The following PLRG1 variants were observed in gnomAD, a reference collection of about 807,000 sequenced individuals.
The protein encoded by PLRG1 is pleiotropic regulator 1, also known as pleiotropic regulator 1 (PRL1 homolog, Arabidopsis).
In PLRG1, 28 loss-of-function variants were observed where a neutral mutation model predicts 74.9. That is an observed-to-expected ratio of 0.37 (90% CI 0.28 to 0.51). The LOEUF (loss-of-function observed/expected upper bound fraction) is 0.51, where lower values mean the gene tolerates loss of function less well. PLRG1 is among the 20% of genes least tolerant of loss of function. The pLI is 0.91. For synonymous variants in PLRG1, 197 were observed against 212.4 expected, an observed-to-expected ratio of 0.93 and a Z score of 0.63; for missense variants, 445 against 631.9, an observed-to-expected ratio of 0.70 and a Z score of 3.17.
chr4:154,537,378 T>C lies in PLRG1; in HGVS notation c.1393A>G (p.Ile465Val). Residue 465 changes from isoleucine to valine, a missense_variant, in exon 14 of 15, where the codon ATA (isoleucine) becomes GTA (valine). By Grantham distance (29) the Ile-to-Val change is conservative. This residue lies in a region of PLRG1 where 221 missense variants were observed against 377.7 expected (regional missense o/e 0.59). Coordinates refer to ENST00000499023, the MANE Select transcript of PLRG1 (RefSeq NM_002669.4). ...GACTGATCAAAAGCACAAGCAAATA[T>C]TCCTGATTCACTGTCCAAAGACCCA... is the stretch of plus-strand genomic sequence containing the variant. ...QPGSLDSESG[I>V]FACAFDQSES... 1.2e-6 allele frequency: 2 copies of C among 1,613,364 alleles called. No individual in the cohort carries two copies. The highest frequency in any genetic ancestry group is 1.7e-6 in the Non-Finnish European group (2 of 1,179,462).
intron 5 of PLRG1, 46 bp downstream of exon 5, chr4:154,546,077 C>A (rs1729647400): frequency 8.1e-7 from 1 of 1,229,880 alleles, no homozygotes; most frequent in Middle Eastern, 1.9e-4. Context: ...AAAATGTGAA[C>A]AGTGAAATAT....
chr4:154,544,618 G>T, intron 6 of PLRG1, 72 bp from the exon 7 acceptor site: 1 of 785,506 alleles, frequency 1.3e-6, no homozygotes, highest in Non-Finnish European at 2.1e-6. Flanking sequence ...ATTCAGAAAT[G>T]GAAATGGAAA....
In PLRG1 at chr4:154,541,900, A is replaced by G. The variant is rs145361101; in HGVS notation, c.687+287T>C. ...ATTCTCTATATTTTCCACATTTTCTATGAATGAGCATGCTCTTAATTTTGT... is the reference window on the plus strand; with the variant it reads ...ATTCTCTATATTTTCCACATTTTCTGTGAATGAGCATGCTCTTAATTTTGT... On this transcript the variant is annotated intron_variant, in intron 8 of 14. Transcript: ENST00000499023. The G allele has an allele frequency of 1.8e-3, 624 of 342,218 alleles. 3 individuals are homozygous for G. The highest frequency in any genetic ancestry group is 0.012 in the African/African-American group (570 of 49,102). 21.2% of individuals were successfully genotyped at this position (342,218 alleles called of 1,614,324 possible).
In PLRG1 at chr4:154,536,545, G is replaced by A. The variant is rs1192190652; in HGVS notation, c.*140C>T. Reference sequence around the variant, plus strand: ...GGGACAGTTTATTGTAAAATATGAAGCAGCAATGATTGAAGCAAGTGAATT... The same window carrying A: ...GGGACAGTTTATTGTAAAATATGAAACAGCAATGATTGAAGCAAGTGAATT... On this transcript the variant is annotated 3_prime_UTR_variant, in exon 15 of 15. Coordinates refer to ENST00000499023, the MANE Select transcript of PLRG1 (RefSeq NM_002669.4). The A allele has an allele frequency of 4.7e-6, 3 of 638,610 alleles. No homozygotes were observed. Among genetic ancestry groups the A allele is most frequent in the Non-Finnish European group, 8.3e-6 (3 of 359,452 alleles). 39.6% of individuals were successfully genotyped at this position (638,610 alleles called of 1,614,324 possible).
rs771372720 is a variant in PLRG1 at position 154,540,612 on chromosome 4, A to G, written c.921T>C (p.Ser307=). The part of the protein sequence containing the change: ...HPTIDVLVTC[S]RDSTARIWDV... The stretch of plus-strand genomic sequence containing the variant: ...CATTTACCCGTGCAGTTGAATCTCG[A>G]CTACAGGTTACCAACACATCGATTG... Residue 307 remains serine (S), a synonymous_variant, in exon 10 of 15, where the codon AGT becomes AGC. Transcript: ENST00000499023. 4 of 1,611,482 alleles carry G rather than the reference A, an allele frequency of 2.5e-6. 1 individual carries two copies. In the South Asian group the frequency reaches 4.4e-5, roughly 18 times the overall value.
intron 12 of PLRG1, 171 bp downstream of exon 12, chr4:154,538,934 A>T (rs1277454697): frequency 3.7e-6 from 2 of 547,866 alleles, no homozygotes; most frequent in Non-Finnish European, 6.5e-6. Context: ...ATAGGGCATG[A>T]AGCAAAATAG....
At chr4:154,540,747 TA>T in intron 9 of PLRG1, 37 bp downstream of exon 9, 2 of 1,606,884 alleles carry the variant, frequency 1.2e-6, no homozygotes. Context: ...AGATAAATAG[TA>T]GTTCACAATG....
rs75682462 is a variant in PLRG1, at chr4:154,536,629, C to T, written c.*56G>A. On this transcript the variant is annotated 3_prime_UTR_variant, in exon 15 of 15. Coordinates refer to ENST00000499023, the MANE Select transcript of PLRG1 (RefSeq NM_002669.4). Reference sequence around the variant, plus strand: ...ACTGGATATCCTCATGAACGCCAAGCTTTTTTTTTTTTAATTAAAAAGAAA... The same window carrying T: ...ACTGGATATCCTCATGAACGCCAAGTTTTTTTTTTTTTAATTAAAAAGAAA... 1 of 805,820 alleles carries T rather than the reference C, an allele frequency of 1.2e-6. No homozygotes were observed. 49.9% of individuals were successfully genotyped at this position (805,820 alleles called of 1,614,324 possible).
Position 154,539,223 on chromosome 4 carries a change from A to C in PLRG1, c.1043-10T>G. 1 of 1,419,588 alleles carries C rather than the reference A, an allele frequency of 7.0e-7. No individual in the cohort carries two copies. Among genetic ancestry groups the C allele is most frequent in the Non-Finnish European group, 1.0e-6 (1 of 1,002,792 alleles). 87.9% of individuals were successfully genotyped at this position (1,419,588 alleles called of 1,614,324 possible). ...GTAGTATCATGGCTTCCTGTAATGGAAACACATATATCCCTCAAAACATAG... is the reference window on the plus strand; with the variant it reads ...GTAGTATCATGGCTTCCTGTAATGGCAACACATATATCCCTCAAAACATAG... On this transcript the variant is annotated splice_polypyrimidine_tract_variant and intron_variant, in intron 11 of 14. Transcript: ENST00000499023.
At chr4:154,546,970 G>T (rs1025664599) in intron 4 of PLRG1, 41 bp downstream of exon 4, 36 of 1,393,232 alleles carry the variant, frequency 2.6e-5, no homozygotes, top group Non-Finnish European at 3.2e-5. Flanking sequence ...AAATATATGT[G>T]ACATTTTTAA....
intron 11 of PLRG1, 60 bp from the exon 12 acceptor site, chr4:154,539,273 A>T (rs1729510595): frequency 1.0e-6 from 1 of 979,584 alleles, no homozygotes; most frequent in East Asian, 2.4e-5. Context: ...TGCAAAAGTT[A>T]AATAAAATAC....
Position 154,547,066 on chromosome 4 carries a change from TA to T in PLRG1, c.260-3del, listed in dbSNP as rs756375968. 1.2e-6 allele frequency: 2 copies of T among 1,610,212 alleles called. No individual in the cohort carries two copies. The highest frequency in any genetic ancestry group is 1.1e-5 in the South Asian group (1 of 90,986). ...CCACAAAGTATTCAACTTCTTGTCC[TA>T]AAAAAACACAAAAAAAATCAACAGT... On this transcript the variant is annotated splice_polypyrimidine_tract_variant and splice_region_variant and intron_variant, in intron 3 of 14. Transcript: ENST00000499023.
chr4:154,550,064 G>A (rs751568964), intron 1 of PLRG1, among the ~76,000 whole-genome samples: 1 of 152,194 alleles, frequency 6.6e-6, no homozygotes, highest in Non-Finnish European at 1.5e-5. Context: ...AGTCAAACGA[G>A]GACTGGACGA....
At chr4:154,536,771 A>G (rs1285654167) in intron 14 of PLRG1, 27 bp from the exon 15 acceptor site, 1 of 1,280,912 alleles carries the variant, frequency 7.8e-7, no homozygotes. Context: ...GAGTTAAAAT[A>G]AAGTATTATT....
chr4:154,543,391 C>T (rs60666900), intron 7 of PLRG1, among the ~76,000 whole-genome samples: 40,321 of 151,876 alleles, frequency 0.27, 5,796 homozygotes, highest in Middle Eastern at 0.36. Context: ...TCAAGAGATG[C>T]GCTTGCCTAG....
chr4:154,537,523 T>C lies in PLRG1; in HGVS notation c.1292-44A>G, dbSNP rs201842885. 5.1e-6 allele frequency: 7 copies of C among 1,386,002 alleles called. No homozygotes were observed. The Admixed American group carries it at 1.1e-4, about 21-fold the overall frequency. The allele number at this position is 1,386,002 out of a possible 1,614,324, so 85.9% of individuals were successfully genotyped here. ...GTTACACCTGGTATCCCCTCAGCAG[T>C]ACAGCTTGACAAACATTTATGAAGC... On this transcript the variant is annotated intron_variant, in intron 13 of 14. Coordinates refer to ENST00000499023, the MANE Select transcript of PLRG1 (RefSeq NM_002669.4).
At chr4:154,536,777 T>G in intron 14 of PLRG1, 33 bp from the exon 15 acceptor site, 1 of 1,209,238 alleles carries the variant, frequency 8.3e-7, no homozygotes, top group Non-Finnish European at 1.2e-6. Context: ...AAATAAAGTA[T>G]TATTAGTTTG....
chr4:154,536,629 C>A lies in PLRG1; in HGVS notation c.*56G>T. The A allele has an allele frequency of 1.2e-6, 1 of 805,820 alleles. No individual in the cohort carries two copies. The highest frequency in any genetic ancestry group is 1.9e-6 in the Non-Finnish European group (1 of 513,642). The allele number at this position is 805,820 out of a possible 1,614,324, so 49.9% of individuals were successfully genotyped here. A position where few individuals can be genotyped will look rare whatever the true frequency, so the allele number is the denominator to read the frequency against. On this transcript the variant is annotated 3_prime_UTR_variant, in exon 15 of 15. Coordinates refer to ENST00000499023, the MANE Select transcript of PLRG1 (RefSeq NM_002669.4). The stretch of plus-strand genomic sequence containing the variant: ...ACTGGATATCCTCATGAACGCCAAG[C>A]TTTTTTTTTTTTAATTAAAAAGAAA...
chr4:154,546,477 AT>A, intron 4 of PLRG1: 1 of 411,410 alleles, frequency 2.4e-6, no homozygotes, highest in South Asian at 3.0e-5. Context: ...TTTCCATTAT[AT>A]TTGGGTATTA....
Sources: gnomAD v4.1 joint callset for allele counts (sites outside exome capture counted in the v4.1 genomes callset) on GRCh38, gnomAD v4.1.1 for gene constraint, gnomAD v4.1.1 regional missense constraint, MANE v1.5 for transcripts, NCBI Gene and HGNC (gene_info 2026-07-23, HGNC 2026-07-21) for gene names.